Variants in CD300LB observed in about 807,000 individuals in gnomAD.
The protein encoded by CD300LB is CMRF35-like molecule 7.
In CD300LB, 18 loss-of-function variants were observed where a neutral mutation model predicts 20.8. The observed-to-expected ratio is 0.87, with a 90% CI of 0.60 to 1.28. The LOEUF (loss-of-function observed/expected upper bound fraction) is 1.28. Among genes scored for constraint, CD300LB ranks in the 50% most tolerant of loss-of-function variants. CD300LB has a pLI of 0.00. For missense variants in CD300LB, 222 were observed against 251.8 expected, an observed-to-expected ratio of 0.88 and a Z score of 0.80; for synonymous variants, 91 against 91.3, an observed-to-expected ratio of 1.00 and a Z score of 0.02.
chr17:74,528,560 A>C (rs1908102481), intron 1 of CD300LB, among the ~76,000 whole-genome samples: 2 of 152,030 alleles, frequency 1.3e-5, no homozygotes, highest in African/African-American at 4.8e-5. Context: ...ATCTTCTTTC[A>C]TGCTGTCCTC....
chr17:74,523,734 G>T, intron 2 of CD300LB, 83 bp from the exon 3 acceptor site: 2 of 871,526 alleles, frequency 2.3e-6, no homozygotes, highest in Non-Finnish European at 4.0e-6. Flanking sequence ...GACCCTGCCA[G>T]CCCTCACCAG....
rs1907892206 is a variant in CD300LB, at chr17:74,521,950, C to A, written c.*788G>T. 5 of 985,448 alleles carry A rather than the reference C, an allele frequency of 5.1e-6. No homozygotes were observed. In the South Asian group the frequency reaches 1.9e-4, roughly 37 times the overall value. 61.0% of individuals were successfully genotyped at this position (985,448 alleles called of 1,614,324 possible). A position where few individuals can be genotyped will look rare whatever the true frequency, so the allele number is the denominator to read the frequency against. On this transcript the variant is annotated 3_prime_UTR_variant, in exon 4 of 4. Coordinates refer to ENST00000392621, the MANE Select transcript of CD300LB (RefSeq NM_174892.4). ...CGATGGTTTTCGTTACTGCCCTCCC[C>A]ACCTGGAGGTGGTTCTTGAGGCCTG...
At position 74,528,586 on chromosome 17, in the gene CD300LB, G is replaced by A. The variant is rs561197727; in HGVS notation, c.41-2509C>T. ...TGCTGTCCTCTCCTTCAGCCCCCGAGCTGATTGGTAGCCAGTTTAGTCAGC... is the reference window on the plus strand; with the variant it reads ...TGCTGTCCTCTCCTTCAGCCCCCGAACTGATTGGTAGCCAGTTTAGTCAGC... On this transcript the variant is annotated intron_variant, in intron 1 of 3. Transcript: ENST00000392621. 4.0e-5 allele frequency among the ~76,000 whole-genome samples: 6 copies of A among 151,866 alleles called. No individual in the cohort carries two copies. The South Asian group carries it at 1.2e-3, about 32-fold the overall frequency.
rs945392402 is a variant in CD300LB, at chr17:74,522,324, G to A, written c.*414C>T. ...TAGAAAAAAAAAAATTTAAAAACAC[G>A]GATATATCAGGTTCTCAGGCAAAGA... is the stretch of plus-strand genomic sequence containing the variant. On this transcript the variant is annotated 3_prime_UTR_variant, in exon 4 of 4. Transcript: ENST00000392621. 22 of 990,154 alleles carry A rather than the reference G, an allele frequency of 2.2e-5. No individual in the cohort carries two copies. Among genetic ancestry groups the A allele is most frequent in the African/African-American group, 5.2e-5 (3 of 57,384 alleles). 61.3% of individuals were successfully genotyped at this position (990,154 alleles called of 1,614,324 possible). A position where few individuals can be genotyped will look rare whatever the true frequency, so the allele number is the denominator to read the frequency against.
chr17:74,522,983 C>A lies in CD300LB; in HGVS notation c.444-83G>T. ...ATCCCCTGACCCTGTGAGCCACCAG[C>A]CAAAGCCTGTGACCCTGGGCCGGGC... On this transcript the variant is annotated intron_variant, in intron 3 of 3. Transcript: ENST00000392621. 5 of 1,372,868 alleles carry A rather than the reference C, an allele frequency of 3.6e-6. No individual in the cohort carries two copies. The South Asian group carries it at 4.0e-5, about 11-fold the overall frequency. The allele number at this position is 1,372,868 out of a possible 1,614,324, so 85.0% of individuals were successfully genotyped here.
chr17:74,522,670 T>C lies in CD300LB; in HGVS notation c.*68A>G. The C allele has an allele frequency of 6.3e-7, 1 of 1,595,984 alleles. No homozygotes were observed. The highest frequency in any genetic ancestry group is 8.5e-7 in the Non-Finnish European group (1 of 1,169,606). On this transcript the variant is annotated 3_prime_UTR_variant, in exon 4 of 4. Transcript: ENST00000392621. ...ACTGCATCCCGAGGACTCGTAGATG[T>C]TCCTTCCACAGCCCGAGTCTCTTCT...
Position 74,522,849 on chromosome 17 carries a change from C to A in CD300LB, c.495G>T (p.Leu165Phe). Residue 165 changes from leucine to phenylalanine, a missense_variant, in exon 4 of 4, where the codon TTG (leucine) becomes TTT (phenylalanine). Transcript: ENST00000392621. ...VFVKVPILLI[L>F]VTAILWLKGS... The stretch of plus-strand genomic sequence containing the variant: ...CCTTCAACCAGAGGATGGCAGTGAC[C>A]AAGATGAGCAAGATGGGCACCTTCA... The A allele has an allele frequency of 6.2e-7, 1 of 1,613,994 alleles. No individual in the cohort carries two copies. The highest frequency in any genetic ancestry group is 8.5e-7 in the Non-Finnish European group (1 of 1,180,000).
intron 1 of CD300LB, among the ~76,000 whole-genome samples, chr17:74,526,606 G>A (rs539844405): frequency 3.9e-5 from 6 of 152,152 alleles, no homozygotes; most frequent in South Asian, 4.1e-4. Flanking sequence ...TCAGCTATGC[G>A]GGAGGCTGAA....
intron 1 of CD300LB, among the ~76,000 whole-genome samples, 162 bp from the exon 2 acceptor site, chr17:74,526,239 G>C (rs1908033399): frequency 6.6e-6 from 1 of 152,188 alleles, no homozygotes. Flanking sequence ...AGAGTCCCGA[G>C]TGTGTCTCTA....
At chr17:74,523,029 T>C (rs1199582971) in intron 3 of CD300LB, 129 bp from the exon 4 acceptor site, 1 of 841,844 alleles carries the variant, frequency 1.2e-6, no homozygotes, top group Non-Finnish European at 1.8e-6. Context: ...TGAAGATTCC[T>C]GTAAACCTCC....
intron 2 of CD300LB, 74 bp downstream of exon 2, chr17:74,525,674 G>T: frequency 7.9e-7 from 1 of 1,257,890 alleles, no homozygotes. Flanking sequence ...AGCCTTGGAG[G>T]GGAGCAGGTA....
In CD300LB at chr17:74,522,525, C is replaced by T; in HGVS notation, c.*213G>A. ...TCCTGACCAAGAGAACAGGTGCTGG[C>T]ACCCCAGGAGGTGATGGTGGCTCAG... On this transcript the variant is annotated 3_prime_UTR_variant, in exon 4 of 4. Transcript: ENST00000392621. The T allele has an allele frequency of 4.5e-6, 6 of 1,340,666 alleles. No homozygotes were observed. The highest frequency in any genetic ancestry group is 5.8e-6 in the Non-Finnish European group (6 of 1,041,880). 83.0% of individuals were successfully genotyped at this position (1,340,666 alleles called of 1,614,324 possible).
rs1175846447 is a variant in CD300LB at position 74,521,498 on chromosome 17, T to C, written c.*1240A>G. The C allele has an allele frequency of 5.1e-6, 5 of 985,356 alleles. No homozygotes were observed. The highest frequency in any genetic ancestry group is 1.7e-5 in the African/African-American group (1 of 57,250). The allele number at this position is 985,356 out of a possible 1,614,324, so 61.0% of individuals were successfully genotyped here. On this transcript the variant is annotated 3_prime_UTR_variant, in exon 4 of 4. Transcript: ENST00000392621. ...CATTATGGAATTTTCAGGCCCATCA[T>C]TGGCCAGAGACCTAAATTCAGTTCA...
chr17:74,521,518 A>G lies in CD300LB; in HGVS notation c.*1220T>C. On this transcript the variant is annotated 3_prime_UTR_variant, in exon 4 of 4. Transcript: ENST00000392621. The stretch of plus-strand genomic sequence containing the variant: ...CATCATTGGCCAGAGACCTAAATTC[A>G]GTTCAAAGTCAGAGAAAGTTTCTCT... 1.0e-6 allele frequency: 1 copy of G among 985,464 alleles called. No individual in the cohort carries two copies. The highest frequency in any genetic ancestry group is 1.2e-6 in the Non-Finnish European group (1 of 829,966). 61.0% of individuals were successfully genotyped at this position (985,464 alleles called of 1,614,324 possible). A position where few individuals can be genotyped will look rare whatever the true frequency, so the allele number is the denominator to read the frequency against.
Position 74,522,378 on chromosome 17 carries a change from G to A in CD300LB, c.*360C>T. ...TGTTGAGTTGGTCTCCGGAATGATG[G>A]AAGTCTAGGGCTGGGGGGGTCTCCC... On this transcript the variant is annotated 3_prime_UTR_variant, in exon 4 of 4. Transcript: ENST00000392621. 4 of 1,017,952 alleles carry A rather than the reference G, an allele frequency of 3.9e-6. No homozygotes were observed. Among genetic ancestry groups the A allele is most frequent in the South Asian group, 8.7e-5 (2 of 22,984 alleles). 63.1% of individuals were successfully genotyped at this position (1,017,952 alleles called of 1,614,324 possible). A position where few individuals can be genotyped will look rare whatever the true frequency, so the allele number is the denominator to read the frequency against.
chr17:74,523,007 G>T (rs1907930236), intron 3 of CD300LB, 107 bp from the exon 4 acceptor site: 3 of 1,080,336 alleles, frequency 2.8e-6, no homozygotes, highest in Non-Finnish European at 4.0e-6. Flanking sequence ...CCTGGGCCGG[G>T]CAGCCCCACT....
chr17:74,524,982 G>C (rs1264789466), intron 2 of CD300LB, among the ~76,000 whole-genome samples: 1 of 152,180 alleles, frequency 6.6e-6, no homozygotes, highest in Non-Finnish European at 1.5e-5. Context: ...CAGTACACAG[G>C]CTTGTTCTAA....
In CD300LB at chr17:74,522,407, A is replaced by G. The variant is rs896803991; in HGVS notation, c.*331T>C. 5.7e-6 allele frequency: 6 copies of G among 1,043,530 alleles called. No individual in the cohort carries two copies. The highest frequency in any genetic ancestry group is 6.9e-6 in the Non-Finnish European group (6 of 866,904). The allele number at this position is 1,043,530 out of a possible 1,614,324, so 64.6% of individuals were successfully genotyped here. A position where few individuals can be genotyped will look rare whatever the true frequency, so the allele number is the denominator to read the frequency against. ...TCTAGGGCTGGGGGGGTCTCCCCCA[A>G]CCTCTTTCTGTACTTTGGTCCCATG... On this transcript the variant is annotated 3_prime_UTR_variant, in exon 4 of 4. Coordinates refer to ENST00000392621, the MANE Select transcript of CD300LB (RefSeq NM_174892.4).
At position 74,525,734 on chromosome 17, in the gene CD300LB, G is replaced by A. The variant is rs767199603; in HGVS notation, c.370+14C>T. The A allele has an allele frequency of 7.5e-6, 12 of 1,605,538 alleles. No homozygotes were observed. In the South Asian group the frequency reaches 1.0e-4, roughly 13 times the overall value. ...AGCTCCAGGGCCTCCTTGTGTAGAT[G>A]AGAAAGTTCTTACCTGGGTCAACGA... On this transcript the variant is annotated intron_variant, in intron 2 of 3. Transcript: ENST00000392621.
Sources: allele counts gnomAD v4.1 joint callset (sites outside exome capture counted in the v4.1 genomes callset), GRCh38; gene constraint gnomAD v4.1.1; transcripts MANE v1.5; gene names NCBI Gene and HGNC (gene_info 2026-07-23, HGNC 2026-07-21).